Variants in STAU1 observed in about 807,000 individuals in gnomAD.
The protein encoded by STAU1 is staufen double-stranded RNA binding protein 1, also known as double-stranded RNA-binding protein Staufen homolog 1.
A neutral mutation model predicts 62.9 loss-of-function variants in STAU1; 13 were observed. That is an observed-to-expected ratio of 0.21 (90% CI 0.13 to 0.33). STAU1 has a LOEUF of 0.33. STAU1 is among the 10% of genes least tolerant of loss of function. The pLI, the probability that STAU1 is intolerant of heterozygous loss-of-function variation, is 1.00. For missense variants in STAU1, 571 were observed against 712.1 expected, an observed-to-expected ratio of 0.80 and a Z score of 2.25; for synonymous variants, 269 against 265.1, an observed-to-expected ratio of 1.01 and a Z score of -0.14.
the STAU1 span, among the ~76,000 whole-genome samples, chr20:49,203,627 A>T: frequency 1.2e-3 from 186 of 152,338 alleles, no homozygotes; most frequent in African/African-American, 4.4e-3. Flanking sequence ...TCTTTTAAAT[A>T]TGCATATATA....
At chr20:49,193,603 G>A in the STAU1 span, among the ~76,000 whole-genome samples, 132 of 152,188 alleles carry the variant, frequency 8.7e-4, 2 homozygotes, top group Middle Eastern at 0.014. Context: ...CGCGGGAGGC[G>A]GAGGTTGCAC....
At chr20:49,135,467 G>A (rs1249947995) in intron 6 of STAU1, among the ~76,000 whole-genome samples, 1 of 152,198 alleles carries the variant, frequency 6.6e-6, no homozygotes, top group Admixed American at 6.5e-5. Flanking sequence ...TTACTCTGAA[G>A]AGACCTTTAG....
At chr20:49,153,251 G>GGAAAAAAAAAAAAAAAAAAAA (rs1379385445) in intron 4 of STAU1, among the ~76,000 whole-genome samples, 2 of 99,076 alleles carry the variant, frequency 2.0e-5, no homozygotes, top group African/African-American at 7.9e-5. Context: ...CTCCGTCTCA[G>GGAAAAAAAAAAAAAAAAAAAA]AAAAAAAAAA....
At chr20:49,165,325 G>A (rs908738160) in intron 3 of STAU1, among the ~76,000 whole-genome samples, 5 of 151,720 alleles carry the variant, frequency 3.3e-5, no homozygotes, top group South Asian at 2.1e-4. Context: ...TTACAGGCGT[G>A]AGCCACCGCG....
At chr20:49,196,458 A>AAG in the STAU1 span, among the ~76,000 whole-genome samples, 48 of 149,836 alleles carry the variant, frequency 3.2e-4, no homozygotes, top group Admixed American at 9.3e-4. Flanking sequence ...AAAAAAAAAA[A>AAG]AAGAAGAAGA....
intron 3 of STAU1, among the ~76,000 whole-genome samples, chr20:49,156,669 T>C (rs542718250): frequency 6.6e-6 from 1 of 152,252 alleles, no homozygotes; most frequent in South Asian, 2.1e-4. Context: ...GTACTGTAAA[T>C]TCCTAGAAAT....
At chr20:49,138,239 G>A (rs767793353) in intron 5 of STAU1, among the ~76,000 whole-genome samples, 1 of 151,958 alleles carries the variant, frequency 6.6e-6, no homozygotes, top group Non-Finnish European at 1.5e-5. Context: ...CTATGATCAC[G>A]CCACTGCATT....
intron 3 of STAU1, among the ~76,000 whole-genome samples, chr20:49,163,575 A>G (rs1314309695): frequency 6.6e-6 from 1 of 151,588 alleles, no homozygotes; most frequent in African/African-American, 2.4e-5. Flanking sequence ...ATAGGCACAC[A>G]CCGCTACACC....
At chr20:49,142,968 T>C (rs1340974358) in intron 5 of STAU1, among the ~76,000 whole-genome samples, 2 of 151,992 alleles carry the variant, frequency 1.3e-5, no homozygotes, top group African/African-American at 4.8e-5. Flanking sequence ...ATTTCGTTTT[T>C]TCAAATATTT....
At chr20:49,180,319 C>CTT (rs10671718) in intron 1 of STAU1, among the ~76,000 whole-genome samples, 31 of 86,940 alleles carry the variant, frequency 3.6e-4, no homozygotes, top group East Asian at 1.0e-3. Context: ...GACTACAGTT[C>CTT]TTTTTTTTTT....
intron 1 of STAU1, among the ~76,000 whole-genome samples, chr20:49,184,480 G>C (rs2093763835): frequency 6.6e-6 from 1 of 152,044 alleles, no homozygotes; most frequent in Non-Finnish European, 1.5e-5. Flanking sequence ...AGGAAATCAA[G>C]AGTACCCAGA....
the STAU1 span, among the ~76,000 whole-genome samples, chr20:49,193,706 G>C: frequency 6.6e-6 from 1 of 151,130 alleles, no homozygotes; most frequent in African/African-American, 2.4e-5. Context: ...GGTGGCTCAC[G>C]CCCTGTAATC....
intron 1 of STAU1, among the ~76,000 whole-genome samples, chr20:49,177,606 G>A (rs1441072045): frequency 1.3e-5 from 2 of 151,280 alleles, no homozygotes; most frequent in East Asian, 2.0e-4. Context: ...ATGAATTCAG[G>A]AGGCGGAGCT....
chr20:49,203,751 A>G, the STAU1 span, among the ~76,000 whole-genome samples: 1 of 152,198 alleles, frequency 6.6e-6, no homozygotes, highest in Admixed American at 6.6e-5. Context: ...CAGTGGCACA[A>G]TCTCGGCTTA....
In STAU1 at chr20:49,171,699, C is replaced by A. The variant is rs1040540976; in HGVS notation, c.-85+2496G>T. Among the ~76,000 whole-genome samples, 12 of 152,224 alleles carry A rather than the reference C, an allele frequency of 7.9e-5. No individual in the cohort carries two copies. The Middle Eastern group carries it at 0.01, about 129-fold the overall frequency. ...ACCATTACTTCTCCCTCCCAGCCCC[C>A]CAAAATAGTAATTCATTGACTCCAA... On this transcript the variant is annotated intron_variant, in intron 2 of 13. Transcript: ENST00000371856.
At chr20:49,155,936 G>C (rs918356722) in intron 3 of STAU1, among the ~76,000 whole-genome samples, 2 of 152,074 alleles carry the variant, frequency 1.3e-5, no homozygotes, top group African/African-American at 4.8e-5. Flanking sequence ...GCATGTGAGG[G>C]GGTCTCTGCT....
intron 5 of STAU1, among the ~76,000 whole-genome samples, chr20:49,148,925 GA>G (rs982171442): frequency 6.6e-6 from 1 of 152,062 alleles, no homozygotes; most frequent in African/African-American, 2.4e-5. Flanking sequence ...CCCCAACCTT[GA>G]CCATACCTCA....
At chr20:49,176,711 C>G (rs2093664034) in intron 1 of STAU1, among the ~76,000 whole-genome samples, 1 of 152,152 alleles carries the variant, frequency 6.6e-6, no homozygotes, top group East Asian at 1.9e-4. Flanking sequence ...TATTCAAAGA[C>G]TGGCATGAAT....
intron 6 of STAU1, chr20:49,134,437 A>AAAAAAAAAAAAAAAAAAAAG: frequency 2.4e-6 from 1 of 419,660 alleles, no homozygotes; most frequent in East Asian, 5.0e-5. Context: ...TCTCAGGGAA[A>AAAAAAAAAAAAAAAAAAAAG]AAAAAAAAAA....
Sources: allele counts gnomAD v4.1 joint callset (sites outside exome capture counted in the v4.1 genomes callset), GRCh38; gene constraint gnomAD v4.1.1; transcripts MANE v1.5; gene names NCBI Gene and HGNC (gene_info 2026-07-23, HGNC 2026-07-21).